The following DCDC1 variants were observed in gnomAD, a reference collection of about 807,000 sequenced individuals.
DCDC1 encodes doublecortin domain-containing protein 1.
DCDC1 carries 200 observed loss-of-function variants against 178.3 expected under a neutral mutation model. The ratio of observed to expected loss-of-function variants is 1.12; its 90% confidence interval spans 1.00 to 1.26. DCDC1 has a LOEUF of 1.26. Among genes scored for constraint, DCDC1 ranks in the 50% most tolerant of loss-of-function variants. The pLI, the probability that DCDC1 is intolerant of heterozygous loss-of-function variation, is 0.00. For missense variants in DCDC1, 1,983 were observed against 1,749.2 expected (o/e 1.13, Z -2.38); for synonymous variants, 690 against 604.8 (o/e 1.14, Z -2.07).
At chr11:31,221,889 T>C (rs1974319736) in intron 9 of DCDC1, among the ~76,000 whole-genome samples, 1 of 152,120 alleles carries the variant, frequency 6.6e-6, no homozygotes, top group Admixed American at 6.6e-5. Context: ...TTATTATAAG[T>C]AGTCAGAAGC....
intron 20 of DCDC1, among the ~76,000 whole-genome samples, chr11:31,062,517 T>A (rs1449617929): frequency 6.6e-6 from 1 of 152,016 alleles, no homozygotes; most frequent in African/African-American, 2.4e-5. Context: ...GATTAAAAAA[T>A]AACTAGCAGG....
intron 6 of DCDC1, among the ~76,000 whole-genome samples, chr11:31,291,715 A>C (rs1947241494): frequency 6.6e-6 from 1 of 152,084 alleles, no homozygotes; most frequent in African/African-American, 2.4e-5. Flanking sequence ...CAAAAATACA[A>C]TGATCCCTCC....
chr11:31,201,993 A>G (rs1971343219), intron 9 of DCDC1, among the ~76,000 whole-genome samples: 1 of 152,222 alleles, frequency 6.6e-6, no homozygotes, highest in South Asian at 2.1e-4. Flanking sequence ...GCTTTTAAAA[A>G]GATCAATTTT....
intron 9 of DCDC1, among the ~76,000 whole-genome samples, chr11:31,188,226 A>C (rs158147): frequency 0.6 from 90,523 of 151,926 alleles, 27,409 homozygotes; most frequent in East Asian, 0.93. Flanking sequence ...TGCCTACAAC[A>C]ACAGAGATAG....
At chr11:31,305,583 TG>T in intron 6 of DCDC1, 31 bp downstream of exon 6, 1 of 1,609,210 alleles carries the variant, frequency 6.2e-7, no homozygotes, top group Non-Finnish European at 8.5e-7. Context: ...TCAGTATGTG[TG>T]GGGGTAGGGT....
intron 1 of DCDC1, among the ~76,000 whole-genome samples, chr11:31,355,952 C>T (rs1025411089): frequency 6.6e-6 from 1 of 151,994 alleles, no homozygotes; most frequent in Non-Finnish European, 1.5e-5. Flanking sequence ...GGAAGAGTGC[C>T]CCAAGGTGTT....
In DCDC1 at chr11:30,905,219, G is replaced by T. The variant is rs377424406; in HGVS notation, c.4105-55C>A. On this transcript the variant is annotated intron_variant, in intron 30 of 38. Transcript: ENST00000684477. ...TACTCAAACTTTCTTGTTTTAGTGT[G>T]CTACACTTTAGTCTCTTAATAAATG... The T allele has an allele frequency of 7.8e-4, 1,186 of 1,512,588 alleles. 15 individuals are homozygous for T. In the South Asian group the frequency reaches 0.013, roughly 17 times the overall value. 93.7% of individuals were successfully genotyped at this position (1,512,588 alleles called of 1,614,324 possible).
chr11:31,306,534 G>T, intron 4 of DCDC1, 146 bp from the exon 5 acceptor site: 2 of 797,328 alleles, frequency 2.5e-6, no homozygotes, highest in Non-Finnish European at 3.4e-6. Context: ...CTTTTTATAG[G>T]ATAAGATTGT....
chr11:30,957,749 T>C (rs1007611005), intron 20 of DCDC1, among the ~76,000 whole-genome samples: 1 of 152,178 alleles, frequency 6.6e-6, no homozygotes, highest in African/African-American at 2.4e-5. Flanking sequence ...GAGCCACCCA[T>C]CATGAGCTGG....
intron 1 of DCDC1, among the ~76,000 whole-genome samples, chr11:31,356,394 C>G (rs1372174387): frequency 6.6e-6 from 1 of 152,154 alleles, no homozygotes; most frequent in Middle Eastern, 3.4e-3. Flanking sequence ...CCAACGAGAA[C>G]AAAGACACAA....
intron 8 of DCDC1, among the ~76,000 whole-genome samples, chr11:31,256,869 G>T (rs2137034538): frequency 6.6e-6 from 1 of 152,274 alleles, no homozygotes; most frequent in Non-Finnish European, 1.5e-5. Context: ...TTCAGAAAAT[G>T]CTGGGATTGC....
chr11:31,225,106 A>T (rs1974752596), intron 9 of DCDC1, among the ~76,000 whole-genome samples: 1 of 152,168 alleles, frequency 6.6e-6, no homozygotes, highest in African/African-American at 2.4e-5. Context: ...ATATGGAACA[A>T]GCCTAAATGC....
intron 21 of DCDC1, among the ~76,000 whole-genome samples, chr11:30,949,882 A>G (rs2134463098): frequency 6.6e-6 from 1 of 152,244 alleles, no homozygotes; most frequent in Non-Finnish European, 1.5e-5. Flanking sequence ...GAGGAATAGC[A>G]TTAGGAGAAA....
At chr11:31,073,665 T>A (rs1353605884) in intron 18 of DCDC1, among the ~76,000 whole-genome samples, 2 of 152,326 alleles carry the variant, frequency 1.3e-5, no homozygotes, top group East Asian at 3.9e-4. Flanking sequence ...GTAAAGATTA[T>A]AAATGGCATG....
intron 20 of DCDC1, 147 bp downstream of exon 20, chr11:31,064,322 T>A (rs1956129735): frequency 1.7e-6 from 1 of 587,756 alleles, no homozygotes; most frequent in Non-Finnish European, 3.1e-6. Flanking sequence ...CCTTTCTTCA[T>A]CAAATGTGAC....
intron 17 of DCDC1, among the ~76,000 whole-genome samples, chr11:31,087,512 T>G (rs1319221892): frequency 6.6e-6 from 1 of 152,102 alleles, no homozygotes; most frequent in Non-Finnish European, 1.5e-5. Context: ...CTCGGCAGTG[T>G]TTCATAAATT....
intron 1 of DCDC1, among the ~76,000 whole-genome samples, chr11:31,339,213 C>T (rs900206197): frequency 6.6e-6 from 1 of 152,126 alleles, no homozygotes; most frequent in African/African-American, 2.4e-5. Flanking sequence ...CACCCTCCAC[C>T]CCCTGCCAAA....
chr11:30,944,417 C>A, intron 21 of DCDC1: 1 of 447,622 alleles, frequency 2.2e-6, no homozygotes, highest in South Asian at 1.6e-5. Flanking sequence ...ATTATTTATG[C>A]TTATAGTACC....
At chr11:31,215,584 G>A (rs930638477) in intron 9 of DCDC1, among the ~76,000 whole-genome samples, 3 of 151,806 alleles carry the variant, frequency 2.0e-5, no homozygotes, top group Non-Finnish European at 4.4e-5. Context: ...CATGAGGTCA[G>A]GAGATTGAGA....
Sources: allele counts gnomAD v4.1 joint callset (sites outside exome capture counted in the v4.1 genomes callset), GRCh38; gene constraint gnomAD v4.1.1; transcripts MANE v1.5; gene names NCBI Gene and HGNC (gene_info 2026-07-23, HGNC 2026-07-21).